Variants in CPD observed in about 807,000 individuals in gnomAD.
CPD encodes the protein metallocarboxypeptidase D.
Under a neutral mutation model 138.3 loss-of-function variants are expected in CPD, and 69 were observed. The ratio of observed to expected loss-of-function variants is 0.50; its 90% confidence interval spans 0.41 to 0.61. CPD has a LOEUF of 0.61. Ranked by LOEUF, CPD falls within the 20% of genes least tolerant of loss-of-function variation. The pLI, the probability that CPD is intolerant of heterozygous loss-of-function variation, is 0.00. For synonymous variants in CPD, 651 were observed against 642.1 expected (o/e 1.01, Z -0.21); for missense variants, 1,432 against 1,733.3 (o/e 0.83, Z 3.09).
chr17:30,383,787 T>C (rs1406221916), intron 1 of CPD, among the ~76,000 whole-genome samples: 1 of 151,706 alleles, frequency 6.6e-6, no homozygotes, highest in Non-Finnish European at 1.5e-5. Flanking sequence ...TTAGAATTTC[T>C]GTAGGTCAGT....
In CPD at chr17:30,422,840, T is replaced by A. The variant is rs745988609; in HGVS notation, c.1474T>A (p.Ser492Thr). Residue 492 changes from serine to threonine, a missense_variant, in exon 5 of 21, where the codon TCC becomes ACC. Coordinates refer to ENST00000225719, the MANE Select transcript of CPD (RefSeq NM_001304.5). ...IPNILSGTSS[S>T]YQPIQPKDFH... is the part of the protein sequence containing the mutation. ...TAATATTCTTTCTGGAACATCATCC[T>A]CCTACCAGCCAATTCAGCCAAAGGA... The A allele has an allele frequency of 6.2e-7, 1 of 1,614,120 alleles. No individual in the cohort carries two copies. Among genetic ancestry groups the A allele is most frequent in the Non-Finnish European group, 8.5e-7 (1 of 1,179,962 alleles).
At chr17:30,397,549 A>G (rs1232650009) in intron 2 of CPD, among the ~76,000 whole-genome samples, 1 of 152,038 alleles carries the variant, frequency 6.6e-6, no homozygotes, top group Non-Finnish European at 1.5e-5. Flanking sequence ...CCTGAGCAAC[A>G]TAGTGAGATA....
chr17:30,422,429 T>A (rs1912289731), intron 4 of CPD, among the ~76,000 whole-genome samples: 1 of 152,180 alleles, frequency 6.6e-6, no homozygotes, highest in Non-Finnish European at 1.5e-5. Context: ...TGAGTGTAAT[T>A]TTTTTGGTAT....
rs944936467 is a variant in CPD at position 30,444,074 on chromosome 17, T to G, written c.2543+103T>G. On this transcript the variant is annotated intron_variant, in intron 11 of 20. Transcript: ENST00000225719. Reference sequence around the variant, plus strand: ...TTCTAGAGAGCCTGTTAAGCAACTTTGAATGGATTGCTGCGAAGTTTAGGG... The same window carrying G: ...TTCTAGAGAGCCTGTTAAGCAACTTGGAATGGATTGCTGCGAAGTTTAGGG... The G allele has an allele frequency of 1.2e-5, 15 of 1,248,004 alleles. No homozygotes were observed. In the Admixed American group the frequency reaches 2.9e-4, roughly 24 times the overall value. 77.3% of individuals were successfully genotyped at this position (1,248,004 alleles called of 1,614,324 possible).
intron 6 of CPD, among the ~76,000 whole-genome samples, chr17:30,425,267 G>A (rs1912373055): frequency 6.6e-6 from 1 of 152,082 alleles, no homozygotes; most frequent in South Asian, 2.1e-4. Flanking sequence ...TTACCTTTTT[G>A]TGATCACTTT....
chr17:30,378,970 G>A lies in CPD; in HGVS notation c.-11G>A. 2.0e-6 allele frequency: 3 copies of A among 1,505,238 alleles called. No homozygotes were observed. Among genetic ancestry groups the A allele is most frequent in the Non-Finnish European group, 2.6e-6 (3 of 1,139,360 alleles). The allele number at this position is 1,505,238 out of a possible 1,614,324, so 93.2% of individuals were successfully genotyped here. A position where few individuals can be genotyped will look rare whatever the true frequency, so the allele number is the denominator to read the frequency against. Reference sequence around the variant, plus strand: ...CGGGAGCGGAGCCGGGGTTAGCGGCGCTGCTGGAAGATGGCGAGCGGCCGG... The same window carrying A: ...CGGGAGCGGAGCCGGGGTTAGCGGCACTGCTGGAAGATGGCGAGCGGCCGG... On this transcript the variant is annotated 5_prime_UTR_variant, in exon 1 of 21. Coordinates refer to ENST00000225719, the MANE Select transcript of CPD (RefSeq NM_001304.5).
In CPD at chr17:30,379,023, C is replaced by A; in HGVS notation, c.43C>A (p.Arg15=). The change falls in exon 1 of 21, where the codon CGG becomes AGG. Residue 15 remains arginine (R), a synonymous_variant. Coordinates refer to ENST00000225719, the MANE Select transcript of CPD (RefSeq NM_001304.5). The surrounding 1 kb of genome is among the most constrained non-coding windows in gnomAD (Gnocchi z 7.0). ...CGAGCGGCCGCCTTGGCGGCTAGGGCGGCTCCTGTTGCTCATGTGCCTGCT... is the reference window on the plus strand; with the variant it reads ...CGAGCGGCCGCCTTGGCGGCTAGGGAGGCTCCTGTTGCTCATGTGCCTGCT... ...RDERPPWRLG[R]LLLLMCLLLL... 6.4e-7 allele frequency: 1 copy of A among 1,556,532 alleles called. No individual in the cohort carries two copies.
intron 14 of CPD, 85 bp downstream of exon 14, chr17:30,451,931 A>G: frequency 1.6e-6 from 2 of 1,273,822 alleles, no homozygotes; most frequent in Non-Finnish European, 2.2e-6. Flanking sequence ...TTTGTCAGTG[A>G]ATAATGGAGT....
At chr17:30,423,416 G>C (rs1036300938) in intron 5 of CPD, 90 bp from the exon 6 acceptor site, 1 of 965,662 alleles carries the variant, frequency 1.0e-6, no homozygotes, top group Non-Finnish European at 1.4e-6. Flanking sequence ...AAATTTTTTA[G>C]TATAGGATTT....
At position 30,379,555 on chromosome 17, in the gene CPD, AG is replaced by A; in HGVS notation, c.578del (p.Gly193AlafsTer70). On this transcript the variant is annotated frameshift_variant, in exon 1 of 21. Transcript: ENST00000225719. LOFTEE classifies it high-confidence loss of function. This position sits in a 1 kb window ranked among gnomAD's most constrained non-coding sequence, Gnocchi z 7.0. ...LNPDGFERAR[E>X]GDCGFGDGGP... The stretch of plus-strand genomic sequence containing the variant: ...CCCGATGGCTTCGAGCGTGCCCGCG[AG>A]GGCGACTGTGGCTTCGGCGACGGCG... 6.5e-7 allele frequency: 1 copy of A among 1,542,368 alleles called. No individual in the cohort carries two copies. Among genetic ancestry groups the A allele is most frequent in the Non-Finnish European group, 8.7e-7 (1 of 1,153,242 alleles).
chr17:30,448,917 A>G (rs1316730966), intron 12 of CPD, among the ~76,000 whole-genome samples: 1 of 152,064 alleles, frequency 6.6e-6, no homozygotes, highest in African/African-American at 2.4e-5. Flanking sequence ...CAGCCTCAGC[A>G]ATATAGCAAG....
chr17:30,424,832 G>A (rs539275298), intron 6 of CPD, among the ~76,000 whole-genome samples: 1 of 152,080 alleles, frequency 6.6e-6, no homozygotes, highest in African/African-American at 2.4e-5. Flanking sequence ...TATCTATCAG[G>A]CACCATAGTA....
In CPD at chr17:30,422,938, C is replaced by T; in HGVS notation, c.1572C>T (p.Thr524=). ...RRFANEYPNI[T]RLYSLGKSVE... is the part of the protein sequence containing the mutation. ...TTGCCAATGAATATCCTAACATTAC[C>T]CGGCTTTATTCCTTGGGAAAATCAG... Residue 524 remains threonine (T), a synonymous_variant, in exon 5 of 21, where the codon ACC becomes ACT. Transcript: ENST00000225719. The T allele has an allele frequency of 6.2e-7, 1 of 1,614,022 alleles. No individual in the cohort carries two copies. The highest frequency in any genetic ancestry group is 1.1e-5 in the South Asian group (1 of 91,072).
intron 2 of CPD, among the ~76,000 whole-genome samples, chr17:30,417,067 A>C (rs1236303195): frequency 6.6e-6 from 1 of 150,630 alleles, no homozygotes. Context: ...GCGCCACTGC[A>C]CTCCAGCCTG....
chr17:30,438,455 T>C (rs1339184626), intron 8 of CPD, among the ~76,000 whole-genome samples: 1 of 152,148 alleles, frequency 6.6e-6, no homozygotes, highest in Admixed American at 6.6e-5. Flanking sequence ...TTTCAAGGAA[T>C]AGTGTATTGT....
intron 14 of CPD, chr17:30,454,564 A>G (rs1913241772): frequency 6.6e-6 from 1 of 152,500 alleles, no homozygotes; most frequent in Admixed American, 6.5e-5. Flanking sequence ...TCTGAGCCCT[A>G]CAAACTATTC....
chr17:30,459,846 G>A (rs917744976), intron 17 of CPD, among the ~76,000 whole-genome samples: 1 of 152,170 alleles, frequency 6.6e-6, no homozygotes, highest in Non-Finnish European at 1.5e-5. Context: ...TTAGGCAGGA[G>A]TTGTTAGCAG....
chr17:30,451,325 C>G (rs916166015), intron 13 of CPD, among the ~76,000 whole-genome samples: 1 of 152,194 alleles, frequency 6.6e-6, no homozygotes, highest in Admixed American at 6.5e-5. Flanking sequence ...CTTTGTGGGA[C>G]AGGTGCTCTG....
Position 30,464,614 on chromosome 17 carries a change from A to G in CPD, c.3943A>G (p.Thr1315Ala). ...TGCTACTATGTCGGCATTGATCCTA[A>G]CAGCTTGCATTATTTGGTGCATCTG... Reference protein sequence around the residue: ...SGATMSALILTACIIWCICSI... With the variant: ...SGATMSALILAACIIWCICSI... The change falls in exon 21 of 21, where the codon ACA becomes GCA. Residue 1315 changes from threonine to alanine, a missense_variant. Around this residue, in one of 6 missense-constraint regions of CPD, gnomAD observed 366 missense variants for 518.8 expected, o/e 0.71. Coordinates refer to ENST00000225719, the MANE Select transcript of CPD (RefSeq NM_001304.5). 1 of 1,613,810 alleles carries G rather than the reference A, an allele frequency of 6.2e-7. No individual in the cohort carries two copies. Among genetic ancestry groups the G allele is most frequent in the Non-Finnish European group, 8.5e-7 (1 of 1,179,844 alleles).
Sources: gnomAD v4.1 joint callset for allele counts (sites outside exome capture counted in the v4.1 genomes callset) on GRCh38, gnomAD v4.1.1 for gene constraint, gnomAD v4.1.1 regional missense constraint, Gnocchi (gnomAD v3.1) non-coding constraint, MANE v1.5 for transcripts, NCBI Gene and HGNC (gene_info 2026-07-23, HGNC 2026-07-21) for gene names.